COL22A1: variants seen among roughly 807,000 people sequenced by gnomAD.
COL22A1 encodes collagen alpha-1(XXII) chain.
A neutral mutation model predicts 248.9 loss-of-function variants in COL22A1; 221 were observed. That is an observed-to-expected ratio of 0.89 (90% confidence interval 0.80 to 0.99). The LOEUF is 0.99. COL22A1 is among the 50% of genes least tolerant of loss of function. The pLI, the probability that COL22A1 is intolerant of heterozygous loss-of-function variation, is 0.00. For synonymous variants in COL22A1, 891 were observed against 793.4 expected (o/e 1.12, Z -2.07); for missense variants, 2,240 against 2,179.0 (o/e 1.03, Z -0.56).
At chr8:138,867,420 A>T (rs2131989763) in intron 3 of COL22A1, among the ~76,000 whole-genome samples, 1 of 152,252 alleles carries the variant, frequency 6.6e-6, no homozygotes, top group East Asian at 1.9e-4. Context: ...GTTCTTTTTT[A>T]TATAGATTTG....
intron 36 of COL22A1, among the ~76,000 whole-genome samples, chr8:138,690,585 A>T (rs1826763655): frequency 6.6e-6 from 1 of 152,096 alleles, no homozygotes; most frequent in African/African-American, 2.4e-5. Flanking sequence ...AAATGTACAG[A>T]CTTTCTGCAG....
intron 3 of COL22A1, among the ~76,000 whole-genome samples, chr8:138,865,912 C>T (rs1163682449): frequency 8.3e-6 from 1 of 121,056 alleles, no homozygotes; most frequent in African/African-American, 3.3e-5. Flanking sequence ...TGTATGCCTG[C>T]ATGTGAGTGT....
At chr8:138,741,433 G>A (rs976638348) in intron 22 of COL22A1, among the ~76,000 whole-genome samples, 4 of 152,064 alleles carry the variant, frequency 2.6e-5, no homozygotes, top group African/African-American at 9.7e-5. Context: ...TTAAATCTAA[G>A]GTACATTGGA....
chr8:138,832,596 C>G (rs6577953), intron 5 of COL22A1, among the ~76,000 whole-genome samples: 85,454 of 151,920 alleles, frequency 0.56, 24,507 homozygotes, highest in Middle Eastern at 0.67. Flanking sequence ...ATTCAGTAAT[C>G]TGTAAAGCCA....
At chr8:138,676,440 A>G (rs1188095668) in intron 41 of COL22A1, 118 bp downstream of exon 41, 1 of 533,530 alleles carries the variant, frequency 1.9e-6, no homozygotes, top group Non-Finnish European at 3.3e-6. Flanking sequence ...AAAGAAAGAA[A>G]GAAAGAAAGA....
At chr8:138,726,498 C>CAAAAATAAAAAAAAAAA (rs1830322453) in intron 23 of COL22A1, among the ~76,000 whole-genome samples, 1 of 95,614 alleles carries the variant, frequency 1.0e-5, no homozygotes, top group African/African-American at 3.9e-5. Flanking sequence ...CCTGTATCTA[C>CAAAAATAAAAAAAAAAA]AAAAAAAAAA....
intron 43 of COL22A1, among the ~76,000 whole-genome samples, 168 bp downstream of exon 43, chr8:138,661,862 C>T (rs1823994517): frequency 6.6e-6 from 1 of 152,162 alleles, no homozygotes; most frequent in Non-Finnish European, 1.5e-5. Context: ...GAACCACACT[C>T]AACAGAAGAG....
At chr8:138,591,373 G>A in intron 64 of COL22A1, 51 bp downstream of exon 64, 1 of 1,395,864 alleles carries the variant, frequency 7.2e-7, no homozygotes, top group South Asian at 1.5e-5. Flanking sequence ...GGGGTGCTGG[G>A]TCTCCAGGGT....
chr8:138,838,670 C>CAAAAA (rs58257635), intron 4 of COL22A1, among the ~76,000 whole-genome samples: 1,845 of 133,758 alleles, frequency 0.014, 27 homozygotes, highest in East Asian at 0.036. Flanking sequence ...CAAAGGGCAC[C>CAAAAA]AAAAAAAAAA....
chr8:138,623,805 T>C lies in COL22A1; in HGVS notation c.3718-20A>G. The C allele has an allele frequency of 2.5e-6, 4 of 1,609,748 alleles. No individual in the cohort carries two copies. The highest frequency in any genetic ancestry group is 3.4e-6 in the Non-Finnish European group (4 of 1,178,092). On this transcript the variant is annotated intron_variant, in intron 51 of 64. Transcript: ENST00000303045. ...TTCTCCCTGCAAGAGAAACTCAAAT[T>C]GGTTATCAGGTCAAAGAAGATTCGA...
At chr8:138,853,545 C>T (rs772537423) in intron 3 of COL22A1, among the ~76,000 whole-genome samples, 35 of 152,068 alleles carry the variant, frequency 2.3e-4, no homozygotes, top group Non-Finnish European at 4.7e-4. Context: ...TAGCAAGATG[C>T]TAATTACTCT....
chr8:138,803,405 T>C (rs1221198245), intron 10 of COL22A1, among the ~76,000 whole-genome samples: 1 of 152,070 alleles, frequency 6.6e-6, no homozygotes, highest in Non-Finnish European at 1.5e-5. Context: ...ATCCAAGTAC[T>C]AACCAGGCCC....
At chr8:138,835,026 G>C (rs544034546) in intron 4 of COL22A1, among the ~76,000 whole-genome samples, 1 of 152,304 alleles carries the variant, frequency 6.6e-6, no homozygotes, top group South Asian at 2.1e-4. Flanking sequence ...GAGGAACAGA[G>C]CTGGGGCGAC....
intron 12 of COL22A1, among the ~76,000 whole-genome samples, chr8:138,788,651 G>C (rs995374892): frequency 6.6e-6 from 1 of 152,114 alleles, no homozygotes; most frequent in Admixed American, 6.5e-5. Context: ...CCTCAGTGGG[G>C]AGGCTGAAGA....
chr8:138,647,473 C>T (rs1444548859), intron 46 of COL22A1, among the ~76,000 whole-genome samples: 1 of 152,202 alleles, frequency 6.6e-6, no homozygotes, highest in Non-Finnish European at 1.5e-5. Context: ...AAGTGTGCTG[C>T]ACTAAGAAAT....
chr8:138,689,009 A>C, intron 36 of COL22A1, 39 bp from the exon 37 acceptor site: 1 of 1,556,580 alleles, frequency 6.4e-7, no homozygotes, highest in Non-Finnish European at 8.9e-7. Flanking sequence ...GAATTTAAAG[A>C]TGACTGGTCA....
At chr8:138,840,548 C>G (rs1820802902) in intron 4 of COL22A1, among the ~76,000 whole-genome samples, 1 of 151,170 alleles carries the variant, frequency 6.6e-6, no homozygotes, top group Admixed American at 6.6e-5. Context: ...CACACACACA[C>G]ACACACACAC....
chr8:138,846,210 A>G (rs1821234305), intron 3 of COL22A1, among the ~76,000 whole-genome samples: 2 of 152,204 alleles, frequency 1.3e-5, no homozygotes, highest in South Asian at 4.1e-4. Flanking sequence ...GGTGACGATC[A>G]ATTGCTTTAA....
At position 138,779,630 on chromosome 8, in the gene COL22A1, A is replaced by G. The variant is rs143315160; in HGVS notation, c.1651-68T>C. ...AGGCCCAGGTACACCAGAGAAGCCC[A>G]CAGTCTCCCAGGGCCTCTGCTTCCT... On this transcript the variant is annotated intron_variant, in intron 13 of 64. Transcript: ENST00000303045. 2.7e-3 allele frequency: 2,942 copies of G among 1,083,262 alleles called. 48 individuals carry two copies. The African/African-American group carries it at 0.032, about 12-fold the overall frequency. The allele number at this position is 1,083,262 out of a possible 1,614,324, so 67.1% of individuals were successfully genotyped here.
Sources: allele counts gnomAD v4.1 joint callset (sites outside exome capture counted in the v4.1 genomes callset), GRCh38; gene constraint gnomAD v4.1.1; transcripts MANE v1.5; gene names NCBI Gene and HGNC (gene_info 2026-07-23, HGNC 2026-07-21).